ASAP1: variants seen among roughly 807,000 people sequenced by gnomAD.
The protein encoded by ASAP1 is arf-GAP with SH3 domain, ANK repeat and PH domain-containing protein 1.
ASAP1 carries 43 observed loss-of-function variants against 145.2 expected under a neutral mutation model. The ratio of observed to expected loss-of-function variants is 0.30; its 90% CI spans 0.23 to 0.38. The LOEUF is 0.38. ASAP1 is among the 10% of genes least tolerant of loss of function. The pLI, the probability that ASAP1 is intolerant of heterozygous loss-of-function variation, is 1.00. For synonymous variants in ASAP1, 546 were observed against 515.5 expected (o/e 1.06, Z -0.80); for missense variants, 1,018 against 1,355.3 (o/e 0.75, Z 3.91).
intron 3 of ASAP1, among the ~76,000 whole-genome samples, chr8:130,306,119 G>A (rs2137480828): frequency 6.6e-6 from 1 of 152,260 alleles, no homozygotes; most frequent in African/African-American, 2.4e-5. Flanking sequence ...AACTAGTTAA[G>A]CCATAAATTT....
intron 28 of ASAP1, among the ~76,000 whole-genome samples, chr8:130,060,199 G>A (rs1220486486): frequency 6.6e-6 from 1 of 151,904 alleles, no homozygotes; most frequent in Admixed American, 6.6e-5. Flanking sequence ...AGGTTCCTAG[G>A]TAATAGTGAC....
At chr8:130,169,465 T>G (rs1003472715) in intron 9 of ASAP1, among the ~76,000 whole-genome samples, 2 of 152,236 alleles carry the variant, frequency 1.3e-5, no homozygotes, top group Non-Finnish European at 2.9e-5. Flanking sequence ...ATCATGAGGT[T>G]GATCTGGACA....
chr8:130,224,798 A>C (rs918677540), intron 4 of ASAP1, among the ~76,000 whole-genome samples: 1 of 152,204 alleles, frequency 6.6e-6, no homozygotes, highest in Non-Finnish European at 1.5e-5. Flanking sequence ...ACTCTTATAC[A>C]CAAGCTCTTA....
intron 5 of ASAP1, among the ~76,000 whole-genome samples, chr8:130,202,148 A>G (rs1815908497): frequency 6.6e-6 from 1 of 152,102 alleles, no homozygotes; most frequent in African/African-American, 2.4e-5. Flanking sequence ...ATCCTCATTA[A>G]ATTTTTCAGA....
intron 3 of ASAP1, among the ~76,000 whole-genome samples, chr8:130,297,107 C>A (rs1368169610): frequency 6.6e-6 from 1 of 152,184 alleles, no homozygotes; most frequent in Non-Finnish European, 1.5e-5. Flanking sequence ...AGTAAAAGGA[C>A]AGCGAATAAT....
intron 3 of ASAP1, among the ~76,000 whole-genome samples, chr8:130,291,630 G>A (rs751316034): frequency 6.6e-6 from 1 of 152,178 alleles, no homozygotes; most frequent in Admixed American, 6.5e-5. Context: ...TAAGTTTGAC[G>A]AGTGAGTGAG....
At chr8:130,263,453 TG>T (rs1370040088) in intron 3 of ASAP1, among the ~76,000 whole-genome samples, 2 of 152,172 alleles carry the variant, frequency 1.3e-5, no homozygotes, top group African/African-American at 2.4e-5. Context: ...AAGGCAAGTC[TG>T]GGTACAGCAT....
intron 1 of ASAP1, among the ~76,000 whole-genome samples, chr8:130,435,812 C>T (rs1830291924): frequency 6.6e-6 from 1 of 152,196 alleles, no homozygotes; most frequent in Non-Finnish European, 1.5e-5. Flanking sequence ...AAAAAGGCTT[C>T]CGTGCAGATT....
At chr8:130,199,368 T>G (rs1426952114) in intron 5 of ASAP1, among the ~76,000 whole-genome samples, 1 of 152,130 alleles carries the variant, frequency 6.6e-6, no homozygotes, top group Non-Finnish European at 1.5e-5. Flanking sequence ...AAACATCAAG[T>G]GTTATAGAAC....
At chr8:130,167,719 TA>T in intron 10 of ASAP1, 97 bp from the exon 11 acceptor site, 1 of 889,112 alleles carries the variant, frequency 1.1e-6, no homozygotes, top group Non-Finnish European at 1.8e-6. Flanking sequence ...TTCTATTATA[TA>T]TTTGGTTTTC....
chr8:130,307,083 C>A (rs1321260399), intron 3 of ASAP1, among the ~76,000 whole-genome samples: 1 of 152,208 alleles, frequency 6.6e-6, no homozygotes, highest in Non-Finnish European at 1.5e-5. Context: ...CTCGCTCTAT[C>A]AAGTCACCCT....
At chr8:130,273,329 A>G (rs914586409) in intron 3 of ASAP1, among the ~76,000 whole-genome samples, 5 of 152,288 alleles carry the variant, frequency 3.3e-5, no homozygotes, top group Admixed American at 1.3e-4. Flanking sequence ...ATCAAAATCA[A>G]TTGAAAACCT....
intron 3 of ASAP1, chr8:130,247,074 C>A (rs1463263152): frequency 1.3e-5 from 2 of 152,198 alleles, no homozygotes; most frequent in African/African-American, 2.4e-5. Context: ...ACCTGTGTCA[C>A]TGCTTGGCTA....
intron 3 of ASAP1, among the ~76,000 whole-genome samples, chr8:130,266,777 A>G (rs1820270880): frequency 6.6e-6 from 1 of 152,184 alleles, no homozygotes; most frequent in African/African-American, 2.4e-5. Flanking sequence ...AAAATGAGAA[A>G]AGAACAAGAC....
chr8:130,143,581 T>C (rs2135883159), intron 13 of ASAP1, among the ~76,000 whole-genome samples: 1 of 152,282 alleles, frequency 6.6e-6, no homozygotes, highest in South Asian at 2.1e-4. Flanking sequence ...AATGTTTCAA[T>C]CAGGGAAGCT....
chr8:130,284,878 C>CACA (rs1821505823), intron 3 of ASAP1, among the ~76,000 whole-genome samples: 2 of 147,418 alleles, frequency 1.4e-5, no homozygotes, highest in African/African-American at 2.5e-5. Context: ...CACACACACA[C>CACA]ACCATACTGA....
At chr8:130,071,114 C>T (rs1428218932) in intron 27 of ASAP1, among the ~76,000 whole-genome samples, 1 of 150,580 alleles carries the variant, frequency 6.6e-6, no homozygotes, top group Non-Finnish European at 1.5e-5. Context: ...ATGCAGTGAT[C>T]CTAGGACAGG....
chr8:130,368,603 C>G (rs1055856198), intron 2 of ASAP1, among the ~76,000 whole-genome samples: 1 of 152,230 alleles, frequency 6.6e-6, no homozygotes, highest in African/African-American at 2.4e-5. Context: ...GCATTTAACT[C>G]AAGCATGGCC....
intron 1 of ASAP1, among the ~76,000 whole-genome samples, chr8:130,421,727 A>G (rs1258429751): frequency 6.6e-6 from 1 of 152,234 alleles, no homozygotes; most frequent in Non-Finnish European, 1.5e-5. Context: ...TTACATGAAG[A>G]AGGAAAAACA....
Sources: gnomAD v4.1 joint callset for allele counts (sites outside exome capture counted in the v4.1 genomes callset) on GRCh38, gnomAD v4.1.1 for gene constraint, MANE v1.5 for transcripts, NCBI Gene and HGNC (gene_info 2026-07-23, HGNC 2026-07-21) for gene names.